PLCL1: variants seen among roughly 807,000 people sequenced by gnomAD.
PLCL1 encodes phospholipase C like 1 (inactive).
Under a neutral mutation model 84.4 loss-of-function variants are expected in PLCL1, and 41 were observed. The observed-to-expected ratio is 0.49, with a 90% CI of 0.38 to 0.63. The LOEUF is 0.63. PLCL1 is among the 30% of genes least tolerant of loss of function. PLCL1 has a pLI of 0.00. For synonymous variants in PLCL1, 490 were observed against 488.3 expected (o/e 1.00, Z -0.05); for missense variants, 1,206 against 1,367.8 (o/e 0.88, Z 1.87).
chr2:198,135,512 G>A (rs1006714095), intron 5 of PLCL1, among the ~76,000 whole-genome samples: 2 of 152,182 alleles, frequency 1.3e-5, no homozygotes, highest in Non-Finnish European at 2.9e-5. Context: ...ATGACTGCAA[G>A]AAAATTCTTA....
chr2:197,859,484 C>A (rs1027868328), intron 1 of PLCL1, among the ~76,000 whole-genome samples: 34 of 152,044 alleles, frequency 2.2e-4, no homozygotes, highest in Admixed American at 2.2e-3. Flanking sequence ...AAATGTCTTG[C>A]CTTTTTCAGT....
chr2:198,010,807 T>C (rs970992904), intron 1 of PLCL1, among the ~76,000 whole-genome samples: 1 of 151,880 alleles, frequency 6.6e-6, no homozygotes, highest in East Asian at 1.9e-4. Flanking sequence ...GGTTATTTTT[T>C]TTTTTTATTA....
At chr2:198,060,136 T>C (rs1044392918) in intron 1 of PLCL1, among the ~76,000 whole-genome samples, 2 of 152,206 alleles carry the variant, frequency 1.3e-5, no homozygotes, top group East Asian at 1.9e-4. Flanking sequence ...CTCACTTCTT[T>C]TTCATTAAAA....
chr2:197,894,599 T>C (rs1040848495), intron 1 of PLCL1, among the ~76,000 whole-genome samples: 5 of 152,010 alleles, frequency 3.3e-5, no homozygotes, highest in Admixed American at 2.0e-4. Context: ...GCATGTAAAT[T>C]AGTTAAGAAT....
At chr2:197,895,695 C>T (rs201962846) in intron 1 of PLCL1, among the ~76,000 whole-genome samples, 2 of 151,846 alleles carry the variant, frequency 1.3e-5, no homozygotes, top group East Asian at 3.8e-4. Flanking sequence ...TTGGATCTTG[C>T]CATACTAGGG....
chr2:198,064,063 T>C (rs1324662934), intron 1 of PLCL1, among the ~76,000 whole-genome samples: 1 of 152,226 alleles, frequency 6.6e-6, no homozygotes, highest in Non-Finnish European at 1.5e-5. Flanking sequence ...TCAACAAGTA[T>C]TTATTGACTG....
chr2:197,939,630 C>T (rs1689117437), intron 1 of PLCL1, among the ~76,000 whole-genome samples: 1 of 151,960 alleles, frequency 6.6e-6, no homozygotes, highest in African/African-American at 2.4e-5. Context: ...AGTAGGGCCA[C>T]CCTAATGACC....
Position 198,088,963 on chromosome 2 carries a change from C to T in PLCL1, c.2821C>T (p.Pro941Ser), listed in dbSNP as rs757907878. 1.2e-6 allele frequency: 2 copies of T among 1,612,166 alleles called. No homozygotes were observed. The highest frequency in any genetic ancestry group is 1.7e-5 in the Admixed American group (1 of 60,018). Reference sequence around the variant, plus strand: ...TCGGCTCATCACCAGTGACAATACTCCTTCAGTCTCACTTGTGATGAAAGA... The same window carrying T: ...TCGGCTCATCACCAGTGACAATACTTCTTCAGTCTCACTTGTGATGAAAGA... ...SSRLITSDNT[P>S]SVSLVMKDSF... The change falls in exon 3 of 6, where the codon CCT becomes TCT. Residue 941 changes from proline to serine, a missense_variant. Coordinates refer to ENST00000428675, the MANE Select transcript of PLCL1 (RefSeq NM_006226.4).
chr2:198,024,342 C>A (rs1272507724), intron 1 of PLCL1, among the ~76,000 whole-genome samples: 2 of 151,974 alleles, frequency 1.3e-5, no homozygotes, highest in East Asian at 3.9e-4. Flanking sequence ...CACATATATA[C>A]CTATGTAACA....
At chr2:198,134,367 T>C (rs1403328060) in intron 5 of PLCL1, among the ~76,000 whole-genome samples, 1 of 152,150 alleles carries the variant, frequency 6.6e-6, no homozygotes, top group African/African-American at 2.4e-5. Context: ...GAAGCTGAGT[T>C]GGCCACATCC....
intron 3 of PLCL1, among the ~76,000 whole-genome samples, chr2:198,090,597 G>A (rs1347013043): frequency 6.6e-6 from 1 of 152,146 alleles, no homozygotes; most frequent in East Asian, 1.9e-4. Context: ...GTTATAAAAT[G>A]TACTTCATGG....
intron 1 of PLCL1, among the ~76,000 whole-genome samples, chr2:197,843,026 C>A (rs1687041756): frequency 6.6e-6 from 1 of 152,142 alleles, no homozygotes; most frequent in African/African-American, 2.4e-5. Context: ...TCCTTTATAG[C>A]CTCTCCTGCC....
chr2:198,046,260 A>G (rs2105863894), intron 1 of PLCL1, among the ~76,000 whole-genome samples: 1 of 152,364 alleles, frequency 6.6e-6, no homozygotes, highest in South Asian at 2.1e-4. Context: ...TTACTGAAAA[A>G]AAATTTCAAC....
intron 1 of PLCL1, among the ~76,000 whole-genome samples, chr2:197,870,035 G>T (rs559201617): frequency 2.0e-5 from 3 of 152,016 alleles, no homozygotes; most frequent in African/African-American, 7.2e-5. Context: ...AAAGATTCCC[G>T]TGTATCTGGG....
intron 1 of PLCL1, among the ~76,000 whole-genome samples, chr2:198,057,434 G>A (rs184716389): frequency 2.0e-5 from 3 of 152,036 alleles, no homozygotes; most frequent in East Asian, 1.9e-4. Context: ...TAGTCTTCTC[G>A]GTACACCTTT....
At chr2:197,859,080 G>A (rs1687382738) in intron 1 of PLCL1, among the ~76,000 whole-genome samples, 1 of 152,160 alleles carries the variant, frequency 6.6e-6, no homozygotes. Context: ...TCAAAGTGAG[G>A]CATAAGATTA....
intron 1 of PLCL1, among the ~76,000 whole-genome samples, chr2:197,865,975 A>T (rs1185386906): frequency 7.3e-6 from 1 of 136,640 alleles, no homozygotes; most frequent in Non-Finnish European, 1.5e-5. Context: ...GCACCACTGC[A>T]CTCCAGCCTG....
rs150720327 is a variant in PLCL1, at chr2:197,884,443, C to T, written c.240+79104C>T. Among the ~76,000 whole-genome samples the T allele has an allele frequency of 3.9e-3, 599 of 152,234 alleles. 7 individuals are homozygous for T. The highest frequency in any genetic ancestry group is 0.013 in the African/African-American group (552 of 41,526). ...ATTGGCTAGAATTTAGCAATATAACCTCACGTAGCAACAGAAGGAGGCTGG... is the reference window on the plus strand; with the variant it reads ...ATTGGCTAGAATTTAGCAATATAACTTCACGTAGCAACAGAAGGAGGCTGG... On this transcript the variant is annotated intron_variant, in intron 1 of 5. Coordinates refer to ENST00000428675, the MANE Select transcript of PLCL1 (RefSeq NM_006226.4).
At chr2:197,897,159 CTTCTTCTTCTTCTTCTTCTTCTTCTTCTT>C (rs1559038523) in intron 1 of PLCL1, among the ~76,000 whole-genome samples, 7 of 31,534 alleles carry the variant, frequency 2.2e-4, no homozygotes, top group African/African-American at 1.7e-3. Flanking sequence ...TCTTCTTCTT[CTTCTTCTTCTTCTTCTTCTTCTTCTTCTT>C]CTCCTTCTCC....
Sources: allele counts gnomAD v4.1 joint callset (sites outside exome capture counted in the v4.1 genomes callset), GRCh38; gene constraint gnomAD v4.1.1; transcripts MANE v1.5; gene names NCBI Gene and HGNC (gene_info 2026-07-23, HGNC 2026-07-21).